RSPH14: variants seen among roughly 807,000 people sequenced by gnomAD.
RSPH14 encodes the protein radial spoke head 14 homolog, also known as rhabdoid tumor deletion region gene 1.
A neutral mutation model predicts 26.7 loss-of-function variants in RSPH14; 20 were observed. The ratio of observed to expected loss-of-function variants is 0.75; its 90% confidence interval spans 0.53 to 1.09. RSPH14 has a LOEUF of 1.09. Among genes scored for constraint, RSPH14 ranks in the 50% least tolerant of loss-of-function variants. RSPH14 has a pLI of 0.00. For missense variants in RSPH14, 449 were observed against 457.2 expected, an observed-to-expected ratio of 0.98 and a Z score of 0.16; for synonymous variants, 177 against 189.3, an observed-to-expected ratio of 0.93 and a Z score of 0.53.
chr22:23,135,230 T>C (rs1431067006), intron 3 of RSPH14, among the ~76,000 whole-genome samples: 1 of 151,032 alleles, frequency 6.6e-6, no homozygotes, highest in Non-Finnish European at 1.5e-5. Flanking sequence ...TCCCAGCACT[T>C]TGGAAGGCCA....
At chr22:23,162,823 G>T in the RSPH14 span, 1 of 442,946 alleles carries the variant, frequency 2.3e-6, no homozygotes, top group East Asian at 7.2e-5. Context: ...TCAGCTCAGC[G>T]ATTGCCAAAT....
At chr22:23,092,083 T>C (rs1361724107) in intron 4 of RSPH14, among the ~76,000 whole-genome samples, 1 of 152,010 alleles carries the variant, frequency 6.6e-6, no homozygotes, top group Non-Finnish European at 1.5e-5. Context: ...TGAGCTCTAG[T>C]GATCCATCAG....
intron 3 of RSPH14, among the ~76,000 whole-genome samples, chr22:23,137,443 T>C (rs2070501841): frequency 6.6e-6 from 1 of 151,784 alleles, no homozygotes; most frequent in Non-Finnish European, 1.5e-5. Context: ...TCCCCCTTCC[T>C]GTCACTACTT....
At chr22:23,158,001 C>T in the RSPH14 span, 44 of 1,614,096 alleles carry the variant, frequency 2.7e-5, no homozygotes, top group Non-Finnish European at 3.7e-5. Flanking sequence ...GTGATCATCA[C>T]GGCCTTTGAC....
chr22:23,130,159 GAA>G (rs901029431), intron 4 of RSPH14, among the ~76,000 whole-genome samples: 329 of 131,382 alleles, frequency 2.5e-3, no homozygotes, highest in Middle Eastern at 4.9e-3. Flanking sequence ...AAGAAAGAAA[GAA>G]AAAGAAAAAG....
At chr22:23,153,082 G>A in the RSPH14 span, 4 of 1,614,152 alleles carry the variant, frequency 2.5e-6, no homozygotes, top group Non-Finnish European at 3.4e-6. Context: ...CATTGGGGTG[G>A]ACTTTGAAAT....
At chr22:23,078,545 C>T (rs2068574326) in intron 4 of RSPH14, among the ~76,000 whole-genome samples, 1 of 152,232 alleles carries the variant, frequency 6.6e-6, no homozygotes, top group African/African-American at 2.4e-5. Context: ...TTTGTCTTGC[C>T]ACGCTGGCTG....
intron 4 of RSPH14, among the ~76,000 whole-genome samples, chr22:23,068,449 C>G (rs999693794): frequency 6.6e-6 from 1 of 152,256 alleles, no homozygotes; most frequent in Non-Finnish European, 1.5e-5. Flanking sequence ...ACTGTGCCTA[C>G]AACTATACCC....
At chr22:23,150,694 C>A in the RSPH14 span, among the ~76,000 whole-genome samples, 1 of 152,164 alleles carries the variant, frequency 6.6e-6, no homozygotes, top group African/African-American at 2.4e-5. Context: ...TTTTCAGCCT[C>A]AGGTCTTGGT....
rs2068116810 is a variant in RSPH14 at position 23,062,440 on chromosome 22, T to C, written c.654-495A>G. ...AGTTGTGGAAATGAGGATGATGAACTCCCCAAAAGTTTCCTGAGAGAGGGT... is the reference window on the plus strand; with the variant it reads ...AGTTGTGGAAATGAGGATGATGAACCCCCCAAAAGTTTCCTGAGAGAGGGT... On this transcript the variant is annotated intron_variant, in intron 5 of 6. Transcript: ENST00000216036. Among the ~76,000 whole-genome samples, 6 of 152,010 alleles carry C rather than the reference T, an allele frequency of 3.9e-5. No homozygotes were observed. The South Asian group carries it at 1.2e-3, about 32-fold the overall frequency.
the RSPH14 span, chr22:23,150,078 G>C: frequency 1.9e-6 from 3 of 1,610,946 alleles, no homozygotes; most frequent in South Asian, 1.1e-5. Context: ...CACGCCGGAA[G>C]CCTGTTTGCA....
chr22:23,146,695 C>T (rs747110184), upstream of RSPH14: 1 of 1,613,572 alleles, frequency 6.2e-7, no homozygotes, highest in Non-Finnish European at 8.5e-7. Context: ...GGTAGAGAGT[C>T]ATTACGTCTG....
At chr22:23,161,400 G>A in the RSPH14 span, 1 of 1,097,410 alleles carries the variant, frequency 9.1e-7, no homozygotes, top group Non-Finnish European at 1.4e-6. Context: ...AGGCCCAGAA[G>A]CTTCAGCTCA....
chr22:23,155,809 G>A, the RSPH14 span, among the ~76,000 whole-genome samples: 170 of 152,352 alleles, frequency 1.1e-3, no homozygotes, highest in Middle Eastern at 3.4e-3. Flanking sequence ...AAGGAGCTGG[G>A]GGTAGGGACA....
In RSPH14 at chr22:23,076,754, T is replaced by C. The variant is rs1048379660; in HGVS notation, c.422-12621A>G. Among the ~76,000 whole-genome samples, 139 of 152,336 alleles carry C rather than the reference T, an allele frequency of 9.1e-4. 2 individuals carry two copies. The highest frequency in any genetic ancestry group is 3.2e-3 in the African/African-American group (135 of 41,582). On this transcript the variant is annotated intron_variant, in intron 4 of 6. Transcript: ENST00000216036. Reference sequence around the variant, plus strand: ...GTCCTAAGGGGATGAGCCAAGACCCTGAAGGTAGTAAAGGAACATGATGAT... The same window carrying C: ...GTCCTAAGGGGATGAGCCAAGACCCCGAAGGTAGTAAAGGAACATGATGAT...
chr22:23,118,458 C>T (rs1321932923), intron 4 of RSPH14, among the ~76,000 whole-genome samples: 4 of 152,158 alleles, frequency 2.6e-5, no homozygotes, highest in Non-Finnish European at 5.9e-5. Context: ...TGTGTTTCTG[C>T]CTCCCTCTTC....
intron 4 of RSPH14, among the ~76,000 whole-genome samples, chr22:23,127,593 G>T (rs2070217366): frequency 6.6e-6 from 1 of 152,292 alleles, no homozygotes; most frequent in East Asian, 1.9e-4. Context: ...AGGGTGCAGT[G>T]GTGGCCCACC....
intron 6 of RSPH14, among the ~76,000 whole-genome samples, chr22:23,060,095 C>T (rs2068061020): frequency 6.6e-6 from 1 of 152,046 alleles, no homozygotes; most frequent in African/African-American, 2.4e-5. Context: ...GGGAGGATCA[C>T]TAGAGCCTGG....
At position 23,064,026 on chromosome 22, in the gene RSPH14, G is replaced by A. The variant is rs765697663; in HGVS notation, c.529C>T (p.Leu177Phe). ...FQEFILDTLVLCLQEDATEAL... is the reference protein window; with the variant it reads ...FQEFILDTLVFCLQEDATEAL... The stretch of plus-strand genomic sequence containing the variant: ...TCGGTGGCATCCTCCTGCAGGCAGA[G>A]GACCAGTGTGTCCAGGATGAACTCC... The change falls in exon 5 of 7, where the codon CTC becomes TTC. Residue 177 changes from leucine (L) to phenylalanine (F), a missense_variant. Leu to Phe is a conservative substitution (Grantham distance 22). Transcript: ENST00000216036. The A allele has an allele frequency of 3.1e-6, 5 of 1,614,208 alleles. No individual in the cohort carries two copies. The South Asian group carries it at 4.4e-5, about 14-fold the overall frequency.
Sources: gnomAD v4.1 joint callset for allele counts (sites outside exome capture counted in the v4.1 genomes callset) on GRCh38, gnomAD v4.1.1 for gene constraint, MANE v1.5 for transcripts, NCBI Gene and HGNC (gene_info 2026-07-23, HGNC 2026-07-21) for gene names.